The following DNAH6 variants were observed in gnomAD, a reference collection of about 807,000 sequenced individuals.
DNAH6 encodes the protein axonemal beta dynein heavy chain 6.
DNAH6 carries 340 observed loss-of-function variants against 491.4 expected under a neutral mutation model. The ratio of observed to expected loss-of-function variants is 0.69; its 90% CI spans 0.63 to 0.76. DNAH6 has a LOEUF of 0.76. Among genes scored for constraint, DNAH6 ranks in the 30% least tolerant of loss-of-function variants. The pLI is 0.00. For synonymous variants in DNAH6, 1,603 were observed against 1,686.1 expected (o/e 0.95, Z 1.21); for missense variants, 4,443 against 4,972.2 (o/e 0.89, Z 3.20).
the DNAH6 span, among the ~76,000 whole-genome samples, chr2:84,496,971 C>CT: frequency 8.4e-3 from 1,024 of 122,014 alleles, 19 homozygotes; most frequent in African/African-American, 0.029. Flanking sequence ...AATATGTACT[C>CT]TTTTTTTTTT....
chr2:84,532,907 A>G (rs2104466343), intron 4 of DNAH6, among the ~76,000 whole-genome samples: 1 of 152,316 alleles, frequency 6.6e-6, no homozygotes, highest in East Asian at 1.9e-4. Flanking sequence ...AACTCTATGC[A>G]CATCATTATA....
rs1047153418 is a variant in DNAH6 at position 84,779,473 on chromosome 2, G to T, written c.10704-2020G>T. 2.0e-5 allele frequency among the ~76,000 whole-genome samples: 3 copies of T among 152,190 alleles called. No homozygotes were observed. The South Asian group carries it at 6.2e-4, about 32-fold the overall frequency. ...AAGAATAGTCACTTCCTCTTCTCTT[G>T]TTTTCCTTTTGCATGATAGATCTTT... On this transcript the variant is annotated intron_variant, in intron 64 of 76. Transcript: ENST00000389394.
At chr2:84,495,797 T>A in the DNAH6 span, among the ~76,000 whole-genome samples, 1 of 152,206 alleles carries the variant, frequency 6.6e-6, no homozygotes, top group Non-Finnish European at 1.5e-5. Context: ...CCGTGACTTA[T>A]GCCAACACTT....
intron 37 of DNAH6, among the ~76,000 whole-genome samples, chr2:84,659,647 T>C (rs1194827309): frequency 6.6e-6 from 1 of 152,168 alleles, no homozygotes; most frequent in Non-Finnish European, 1.5e-5. Context: ...GTATTGCAGG[T>C]CTCAGTACTC....
chr2:84,773,317 T>C (rs1420653473), intron 64 of DNAH6, among the ~76,000 whole-genome samples: 1 of 152,038 alleles, frequency 6.6e-6, no homozygotes, highest in African/African-American at 2.4e-5. Context: ...CATGGAGTAT[T>C]TAGTTTTCTG....
At chr2:84,498,630 C>T in the DNAH6 span, among the ~76,000 whole-genome samples, 2 of 152,128 alleles carry the variant, frequency 1.3e-5, no homozygotes, top group Admixed American at 1.3e-4. Flanking sequence ...AATTCAAAAG[C>T]AGCAAAAATA....
rs545002636 is a variant in DNAH6 at position 84,681,073 on chromosome 2, G to C, written c.6745-284G>C. ...TTGTGCCCTTCGTGATGACCCCTTG[G>C]ACTCACCTCAAGCAGAGGTCTAAAT... On this transcript the variant is annotated intron_variant, in intron 41 of 76. Coordinates refer to ENST00000389394, the MANE Select transcript of DNAH6 (RefSeq NM_001370.2). Among the ~76,000 whole-genome samples, 7 of 152,154 alleles carry C rather than the reference G, an allele frequency of 4.6e-5. No individual in the cohort carries two copies. The East Asian group carries it at 1.4e-3, about 29-fold the overall frequency.
intron 49 of DNAH6, among the ~76,000 whole-genome samples, chr2:84,702,253 G>T (rs1379891502): frequency 6.6e-6 from 1 of 152,116 alleles, no homozygotes; most frequent in East Asian, 1.9e-4. Context: ...AAGGCTAAAA[G>T]AAAATCTGTA....
At position 84,669,477 on chromosome 2, in the gene DNAH6, C is replaced by T. The variant is rs780711235; in HGVS notation, c.6273C>T (p.Ser2091=). 2.1e-5 allele frequency: 32 copies of T among 1,551,640 alleles called. 2 individuals carry two copies. The highest frequency in any genetic ancestry group is 1.9e-4 in the South Asian group (16 of 84,056). Residue 2091 remains serine (S), a synonymous_variant, in exon 38 of 77, where the codon TCC becomes TCT. Transcript: ENST00000389394. The part of the protein sequence containing the change: ...LMEKLLAVKH[S]VLFTGITGVG... ...AAAAACTACTGGCAGTCAAGCATTC[C>T]GTGTTGTTTACTGGAATAACTGGAG...
chr2:84,733,686 G>T, intron 62 of DNAH6, 107 bp downstream of exon 62: 3 of 1,022,772 alleles, frequency 2.9e-6, no homozygotes, highest in South Asian at 2.4e-5. Context: ...TTTTCACTAG[G>T]AACTTCCTTC....
rs748931607 is a variant in DNAH6 at position 84,553,628 on chromosome 2, A to ATTTTTTTT, written c.1602+609_1602+616dup. Among the ~76,000 whole-genome samples, 83 of 90,976 alleles carry ATTTTTTTT rather than the reference A, an allele frequency of 9.1e-4. 3 individuals are homozygous for ATTTTTTTT. The highest frequency in any genetic ancestry group is 3.1e-3 in the East Asian group (9 of 2,876). 59.7% of individuals were successfully genotyped at this position (90,976 alleles called of 152,430 possible). ...CAGGTGTATGCCACCAGGACTGGCTATTTTTTTTTTTTTTTTTTTTTTGTA... is the reference window on the plus strand; with the variant it reads ...CAGGTGTATGCCACCAGGACTGGCTATTTTTTTTTTTTTTTTTTTTTTTTTTTTTTGTA... On this transcript the variant is annotated intron_variant, in intron 10 of 76. Coordinates refer to ENST00000389394, the MANE Select transcript of DNAH6 (RefSeq NM_001370.2).
intron 70 of DNAH6, among the ~76,000 whole-genome samples, chr2:84,799,226 G>A (rs1267831375): frequency 3.9e-5 from 6 of 152,154 alleles, no homozygotes; most frequent in Admixed American, 1.3e-4. Context: ...GACCTCAGGC[G>A]ATCCACCTGC....
chr2:84,605,885 T>G (rs10202540), intron 20 of DNAH6, among the ~76,000 whole-genome samples: 10,959 of 152,188 alleles, frequency 0.072, 1,304 homozygotes, highest in African/African-American at 0.25. Context: ...TCAGAGCATT[T>G]TCCCTAGACC....
intron 18 of DNAH6, among the ~76,000 whole-genome samples, chr2:84,598,194 T>TTCTC (rs1273071335): frequency 1.3e-4 from 19 of 142,136 alleles, no homozygotes; most frequent in Non-Finnish European, 2.6e-4. Flanking sequence ...TTTCTTTTCT[T>TTCTC]TCTTTCTTTC....
At chr2:84,709,753 TC>T (rs1696857087) in intron 55 of DNAH6, among the ~76,000 whole-genome samples, 1 of 152,220 alleles carries the variant, frequency 6.6e-6, no homozygotes, top group South Asian at 2.1e-4. Flanking sequence ...ATTGAAGTGC[TC>T]CCGTACTTGA....
At chr2:84,562,211 G>T (rs1457516706) in intron 11 of DNAH6, among the ~76,000 whole-genome samples, 3 of 152,070 alleles carry the variant, frequency 2.0e-5, no homozygotes, top group Non-Finnish European at 1.5e-5. Context: ...AAGGAAACAA[G>T]TGACTAATGG....
At chr2:84,770,594 T>C (rs1417168211) in intron 64 of DNAH6, among the ~76,000 whole-genome samples, 1 of 152,144 alleles carries the variant, frequency 6.6e-6, no homozygotes, top group Non-Finnish European at 1.5e-5. Context: ...ACAAAAGGGA[T>C]ACAACAATAG....
intron 68 of DNAH6, among the ~76,000 whole-genome samples, chr2:84,793,951 A>G (rs1319414231): frequency 2.6e-5 from 4 of 152,228 alleles, no homozygotes; most frequent in African/African-American, 4.8e-5. Flanking sequence ...GGTAGTCAAA[A>G]CAGCATGATA....
chr2:84,790,608 T>C (rs948705639), intron 68 of DNAH6, among the ~76,000 whole-genome samples: 1 of 152,128 alleles, frequency 6.6e-6, no homozygotes, highest in Admixed American at 6.5e-5. Flanking sequence ...AAAGAAGACA[T>C]ACAAATGCCC....
Sources: allele counts gnomAD v4.1 joint callset (sites outside exome capture counted in the v4.1 genomes callset), GRCh38; gene constraint gnomAD v4.1.1; transcripts MANE v1.5; gene names NCBI Gene and HGNC (gene_info 2026-07-23, HGNC 2026-07-21).